The following FAM184B variants were observed in gnomAD, a reference collection of about 807,000 sequenced individuals.
FAM184B encodes protein FAM184B.
FAM184B carries 111 observed loss-of-function variants against 135.9 expected under a neutral mutation model. That is an observed-to-expected ratio of 0.82 (90% CI 0.70 to 0.96). FAM184B has a LOEUF of 0.96. Ranked by LOEUF, FAM184B falls within the 40% of genes least tolerant of loss-of-function variation. The pLI, the probability that FAM184B is intolerant of heterozygous loss-of-function variation, is 0.00. For synonymous variants in FAM184B, 552 were observed against 524.8 expected, an observed-to-expected ratio of 1.05 and a Z score of -0.71; for missense variants, 1,375 against 1,323.9, an observed-to-expected ratio of 1.04 and a Z score of -0.60.
At chr4:17,639,132 C>T (rs754789569) in intron 14 of FAM184B, 118 bp downstream of exon 14, 14 of 1,097,564 alleles carry the variant, frequency 1.3e-5, no homozygotes, top group Non-Finnish European at 1.7e-5. Flanking sequence ...CGTGCCTGGC[C>T]AGAACCCAGG....
At chr4:17,776,877 G>A (rs1269703781) in intron 1 of FAM184B, among the ~76,000 whole-genome samples, 1 of 152,178 alleles carries the variant, frequency 6.6e-6, no homozygotes, top group African/African-American at 2.4e-5. Flanking sequence ...CCTGTGACCT[G>A]AGAATTGGGT....
chr4:17,706,184 A>G (rs1355815132), intron 3 of FAM184B, among the ~76,000 whole-genome samples: 1 of 152,230 alleles, frequency 6.6e-6, no homozygotes, highest in Non-Finnish European at 1.5e-5. Flanking sequence ...TGTTTCAAAT[A>G]TGTTCTTTTA....
At chr4:17,743,132 A>G (rs1718081364) in intron 1 of FAM184B, among the ~76,000 whole-genome samples, 1 of 152,190 alleles carries the variant, frequency 6.6e-6, no homozygotes, top group African/African-American at 2.4e-5. Context: ...TCCTGCCCAC[A>G]AAGGAGGTCA....
At chr4:17,672,718 G>C (rs1477711110) in intron 7 of FAM184B, among the ~76,000 whole-genome samples, 1 of 152,086 alleles carries the variant, frequency 6.6e-6, no homozygotes, top group Non-Finnish European at 1.5e-5. Context: ...CTGCACCCCT[G>C]GTATGAAACC....
At chr4:17,759,805 A>G (rs965746404) in intron 1 of FAM184B, among the ~76,000 whole-genome samples, 5 of 152,116 alleles carry the variant, frequency 3.3e-5, no homozygotes, top group Non-Finnish European at 5.9e-5. Flanking sequence ...CTAAGCACCT[A>G]AGTTCTTAAA....
At chr4:17,757,382 A>G (rs112315338) in intron 1 of FAM184B, among the ~76,000 whole-genome samples, 4,911 of 152,294 alleles carry the variant, frequency 0.032, 255 homozygotes, top group African/African-American at 0.11. Context: ...TAAAAACTGT[A>G]AAACTTTTAT....
At chr4:17,728,761 A>T (rs1395242769) in intron 1 of FAM184B, among the ~76,000 whole-genome samples, 1 of 152,160 alleles carries the variant, frequency 6.6e-6, no homozygotes, top group Non-Finnish European at 1.5e-5. Context: ...TTTAAAAAAA[A>T]TTTCTGAGAG....
At chr4:17,706,086 T>G (rs1717113232) in intron 3 of FAM184B, among the ~76,000 whole-genome samples, 195 bp from the exon 4 acceptor site, 2 of 152,216 alleles carry the variant, frequency 1.3e-5, no homozygotes, top group Admixed American at 6.5e-5. Context: ...AGAAGCCTCG[T>G]GAGCTTAAAT....
chr4:17,750,363 T>C (rs962842283), intron 1 of FAM184B, among the ~76,000 whole-genome samples: 1 of 152,240 alleles, frequency 6.6e-6, no homozygotes, highest in Non-Finnish European at 1.5e-5. Flanking sequence ...CAGTAAGATA[T>C]TACAAACCAG....
At chr4:17,664,680 GAAAA>G (rs34424676) in intron 7 of FAM184B, 21 bp from the exon 8 acceptor site, 8 of 1,076,902 alleles carry the variant, frequency 7.4e-6, no homozygotes, top group Non-Finnish European at 8.8e-6. Flanking sequence ...AAAAGAAAAA[GAAAA>G]AAAAAAAAAA....
intron 1 of FAM184B, among the ~76,000 whole-genome samples, chr4:17,749,985 T>G (rs1356318522): frequency 6.6e-6 from 1 of 152,250 alleles, no homozygotes. Flanking sequence ...AATCATATTT[T>G]ATTGCTGTTT....
At chr4:17,644,892 GA>G (rs1208719785) in intron 12 of FAM184B, among the ~76,000 whole-genome samples, 1 of 152,114 alleles carries the variant, frequency 6.6e-6, no homozygotes, top group Non-Finnish European at 1.5e-5. Context: ...AAAGTCTCAG[GA>G]TACAAAATCA....
intron 1 of FAM184B, among the ~76,000 whole-genome samples, chr4:17,722,365 C>T (rs1260682394): frequency 6.6e-6 from 1 of 152,218 alleles, no homozygotes. Context: ...TGTGTGGTTA[C>T]TGTCCCTTCC....
At chr4:17,714,527 AC>A (rs1456298230) in intron 1 of FAM184B, among the ~76,000 whole-genome samples, 8 of 152,080 alleles carry the variant, frequency 5.3e-5, no homozygotes, top group Admixed American at 5.2e-4. Flanking sequence ...GGCAATAACT[AC>A]CGTGTTGAGC....
intron 1 of FAM184B, among the ~76,000 whole-genome samples, chr4:17,761,778 C>T (rs1356994360): frequency 2.0e-4 from 30 of 152,304 alleles, no homozygotes; most frequent in Non-Finnish European, 2.9e-5. Context: ...GCCTCAACCT[C>T]CCAAAGTGCT....
chr4:17,682,285 AC>A (rs1314695231), intron 7 of FAM184B, among the ~76,000 whole-genome samples: 1 of 152,124 alleles, frequency 6.6e-6, no homozygotes, highest in East Asian at 1.9e-4. Context: ...AATTAGTAAA[AC>A]TTTGAATCTA....
chr4:17,692,110 C>G (rs575687328), intron 6 of FAM184B, among the ~76,000 whole-genome samples: 7 of 151,578 alleles, frequency 4.6e-5, no homozygotes, highest in South Asian at 2.1e-4. Flanking sequence ...CCACCTTAAG[C>G]TCTGCAGTGA....
At chr4:17,765,781 T>C (rs1258109108) in intron 1 of FAM184B, among the ~76,000 whole-genome samples, 3 of 152,230 alleles carry the variant, frequency 2.0e-5, no homozygotes, top group Admixed American at 1.3e-4. Flanking sequence ...TGATGAGTGT[T>C]ACAGTACTTA....
chr4:17,779,668 C>A (rs1314405336), intron 1 of FAM184B, among the ~76,000 whole-genome samples: 1 of 152,170 alleles, frequency 6.6e-6, no homozygotes, highest in Non-Finnish European at 1.5e-5. Flanking sequence ...TTCCATAAGT[C>A]CACACTGAAT....
Sources: gnomAD v4.1 joint callset for allele counts (sites outside exome capture counted in the v4.1 genomes callset) on GRCh38, gnomAD v4.1.1 for gene constraint, MANE v1.5 for transcripts, NCBI Gene and HGNC (gene_info 2026-07-23, HGNC 2026-07-21) for gene names.